GPR4: variants seen among roughly 807,000 people sequenced by gnomAD.
GPR4 encodes the protein G-prodeshotein coupled receptor 4.
GPR4 carries 11 observed loss-of-function variants against 17.8 expected under a neutral mutation model. The ratio of observed to expected loss-of-function variants is 0.62; its 90% CI spans 0.39 to 1.02. GPR4 has a LOEUF of 1.02. Among genes scored for constraint, GPR4 ranks in the 50% least tolerant of loss-of-function variants. The pLI is 0.00. For missense variants in GPR4, 364 were observed against 495.4 expected, an observed-to-expected ratio of 0.73 and a Z score of 2.52; for synonymous variants, 219 against 222.8, an observed-to-expected ratio of 0.98 and a Z score of 0.15.
chr19:45,601,296 G>C (rs1047240170), intron 1 of GPR4, among the ~76,000 whole-genome samples: 1 of 152,204 alleles, frequency 6.6e-6, no homozygotes, highest in African/African-American at 2.4e-5. Context: ...CCAGTTCCAG[G>C]GGGGAGAGTG....
chr19:45,596,464 C>T (rs570657694), intron 1 of GPR4, among the ~76,000 whole-genome samples: 29 of 152,316 alleles, frequency 1.9e-4, no homozygotes, highest in African/African-American at 6.7e-4. Context: ...CTTGGCCTCC[C>T]AAAGTGCTGG....
chr19:45,593,923 A>G (rs1201949046), intron 1 of GPR4, among the ~76,000 whole-genome samples: 1 of 150,158 alleles, frequency 6.7e-6, no homozygotes, highest in East Asian at 2.0e-4. Context: ...TCTTTTGTCC[A>G]GACTAGAATG....
chr19:45,595,789 GA>G, intron 1 of GPR4, among the ~76,000 whole-genome samples: 1 of 151,700 alleles, frequency 6.6e-6, no homozygotes, highest in Non-Finnish European at 1.5e-5. Flanking sequence ...CTAAAACAGT[GA>G]AAAGGGTGAG....
intron 1 of GPR4, among the ~76,000 whole-genome samples, chr19:45,601,138 G>T (rs186305430): frequency 6.6e-6 from 1 of 152,132 alleles, no homozygotes; most frequent in Non-Finnish European, 1.5e-5. Context: ...GGGGAACTGG[G>T]GGGTGTGGCC....
At chr19:45,598,102 C>T (rs902213039) in intron 1 of GPR4, among the ~76,000 whole-genome samples, 1 of 152,064 alleles carries the variant, frequency 6.6e-6, no homozygotes, top group Non-Finnish European at 1.5e-5. Flanking sequence ...ATCTCTCTGC[C>T]CCTAGTCTCT....
rs1169735251 is a variant in GPR4 at position 45,590,906 on chromosome 19, G to C, written c.961C>G (p.Leu321Val). ...DKPQEMANAS[L>V]TLETPLTSKR... ...GAGGTGAGTGGGGTCTCCAGGGTGA[G>C]CGAGGCATTGGCCATCTCCTGGGGC... Residue 321 changes from leucine (L) to valine (V), a missense_variant, in exon 2 of 2, where the codon CTC (leucine) becomes GTC (valine). Physicochemically the swap from Leu to Val is conservative, Grantham distance 32. Around this residue, in one of 3 missense-constraint regions of GPR4, gnomAD observed 92 missense variants for 106.0 expected, o/e 0.87. Coordinates refer to ENST00000323040, the MANE Select transcript of GPR4 (RefSeq NM_005282.3). 1.9e-6 allele frequency: 3 copies of C among 1,614,128 alleles called. No individual in the cohort carries two copies. Among genetic ancestry groups the C allele is most frequent in the South Asian group, 1.1e-5 (1 of 91,078 alleles).
chr19:45,594,843 C>T (rs931282383), intron 1 of GPR4, among the ~76,000 whole-genome samples: 1 of 143,688 alleles, frequency 7.0e-6, no homozygotes, highest in Non-Finnish European at 1.5e-5. Flanking sequence ...ATTAGCTGGG[C>T]GTGGTGGCAC....
At chr19:45,592,755 C>G (rs1351747081) in intron 1 of GPR4, 58 bp from the exon 2 acceptor site, 1 of 165,162 alleles carries the variant, frequency 6.1e-6, no homozygotes, top group Non-Finnish European at 1.5e-5. Flanking sequence ...TTCTTCTCCC[C>G]ACACTCCTCA....
chr19:45,595,705 T>C (rs1970051304), intron 1 of GPR4, among the ~76,000 whole-genome samples: 1 of 151,142 alleles, frequency 6.6e-6, no homozygotes. Flanking sequence ...AGGGGTCTTT[T>C]GGTTTAGTTC....
chr19:45,590,683 C>T lies in GPR4; in HGVS notation c.*95G>A. On this transcript the variant is annotated 3_prime_UTR_variant, in exon 2 of 2. Coordinates refer to ENST00000323040, the MANE Select transcript of GPR4 (RefSeq NM_005282.3). ...TCTTGTATTCTTATGAATATTAACACAGCCCTTTTTCCATACAATTTGCAT... is the reference window on the plus strand; with the variant it reads ...TCTTGTATTCTTATGAATATTAACATAGCCCTTTTTCCATACAATTTGCAT... The T allele has an allele frequency of 7.0e-7, 1 of 1,418,778 alleles. No individual in the cohort carries two copies. Among genetic ancestry groups the T allele is most frequent in the South Asian group, 1.4e-5 (1 of 71,490 alleles). The allele number at this position is 1,418,778 out of a possible 1,614,324, so 87.9% of individuals were successfully genotyped here. A position where few individuals can be genotyped will look rare whatever the true frequency, so the allele number is the denominator to read the frequency against.
intron 1 of GPR4, among the ~76,000 whole-genome samples, chr19:45,593,016 AC>A (rs1350316530): frequency 6.6e-6 from 1 of 151,692 alleles, no homozygotes; most frequent in Admixed American, 6.6e-5. Flanking sequence ...ATGCAGTGAG[AC>A]CCAGTCTCTA....
At chr19:45,601,347 C>G (rs1970109975) in intron 1 of GPR4, among the ~76,000 whole-genome samples, 1 of 152,098 alleles carries the variant, frequency 6.6e-6, no homozygotes, top group African/African-American at 2.4e-5. Context: ...CCAGCCAAAT[C>G]CTGGAAGAGA....
chr19:45,594,343 A>T (rs1970035306), intron 1 of GPR4, among the ~76,000 whole-genome samples: 1 of 146,406 alleles, frequency 6.8e-6, no homozygotes, highest in Non-Finnish European at 1.5e-5. Context: ...AATCGCTTGA[A>T]CCTGGGAGGC....
At chr19:45,595,555 C>T (rs189777813) in intron 1 of GPR4, among the ~76,000 whole-genome samples, 47 of 152,242 alleles carry the variant, frequency 3.1e-4, no homozygotes, top group East Asian at 1.9e-4. Flanking sequence ...AACCTTGAGC[C>T]TGTCACCCAC....
In GPR4 at chr19:45,590,833, G is replaced by A. The variant is rs761739112; in HGVS notation, c.1034C>T (p.Thr345Ile). The change falls in exon 2 of 2, where the codon ACT (threonine) becomes ATT (isoleucine). Residue 345 changes from threonine (T) to isoleucine (I), a missense_variant. Thr to Ile is a moderately conservative substitution (Grantham distance 89, BLOSUM62 -1). This residue lies in a region of GPR4 where 92 missense variants were observed against 106.0 expected (regional missense o/e 0.87). Coordinates refer to ENST00000323040, the MANE Select transcript of GPR4 (RefSeq NM_005282.3). Reference protein sequence around the residue: ...AKAMTGSWAATPPSQGDQVQL... With the variant: ...AKAMTGSWAAIPPSQGDQVQL... The stretch of plus-strand genomic sequence containing the variant: ...CACCTGGTCCCCCTGGGAGGGCGGA[G>A]TGGCCGCCCAGCTGCCAGTCATGGC... 2 of 1,609,868 alleles carry A rather than the reference G, an allele frequency of 1.2e-6. No homozygotes were observed. The highest frequency in any genetic ancestry group is 1.7e-5 in the Admixed American group (1 of 59,684).
chr19:45,591,438 G>A lies in GPR4; in HGVS notation c.429C>T (p.Ala143=). 1 of 1,603,944 alleles carries A rather than the reference G, an allele frequency of 6.2e-7. No homozygotes were observed. Among genetic ancestry groups the A allele is most frequent in the Non-Finnish European group, 8.5e-7 (1 of 1,177,520 alleles). ...GCGCCGAGTTGGCGCCCAGCTCCGT[G>A]GCCCAGACCACGGAGCTCACGGCCA... The part of the protein sequence containing the change: ...TAVAVSSVVW[A]TELGANSAPL... Residue 143 remains alanine, a synonymous_variant, in exon 2 of 2, where the codon GCC becomes GCT. Transcript: ENST00000323040. This position sits in a 1 kb window ranked among gnomAD's most constrained non-coding sequence, Gnocchi z 7.6.
chr19:45,590,776 G>A lies in GPR4; in HGVS notation c.*2C>T, dbSNP rs765892081. The A allele has an allele frequency of 3.8e-6, 6 of 1,559,724 alleles. No homozygotes were observed. The highest frequency in any genetic ancestry group is 1.9e-5 in the Admixed American group (1 of 53,070). On this transcript the variant is annotated 3_prime_UTR_variant, in exon 2 of 2. Transcript: ENST00000323040. The stretch of plus-strand genomic sequence containing the variant: ...AACTGGGGATTCTGTGCCACTCGGG[G>A]TTCATTGTGCTGGCGGCAGCATCTT...
At chr19:45,594,064 AT>A (rs1251905361) in intron 1 of GPR4, among the ~76,000 whole-genome samples, 1,122 of 28,156 alleles carry the variant, frequency 0.04, 27 homozygotes, top group East Asian at 0.11. Context: ...AAAAAAAAAA[AT>A]ATATATATAT....
intron 1 of GPR4, among the ~76,000 whole-genome samples, chr19:45,594,735 C>CG (rs1249687859): frequency 2.8e-5 from 4 of 142,860 alleles, no homozygotes; most frequent in Non-Finnish European, 3.1e-5. Context: ...GTAATCCCAG[C>CG]ACTTTGGGAG....
Sources: gnomAD v4.1 joint callset for allele counts (sites outside exome capture counted in the v4.1 genomes callset) on GRCh38, gnomAD v4.1.1 for gene constraint, gnomAD v4.1.1 regional missense constraint, Gnocchi (gnomAD v3.1) non-coding constraint, MANE v1.5 for transcripts, NCBI Gene and HGNC (gene_info 2026-07-23, HGNC 2026-07-21) for gene names.